Variants in SEMA3E observed in about 807,000 individuals in gnomAD.
The protein encoded by SEMA3E is semaphorin 3E, also known as semaphorin-3E.
A neutral mutation model predicts 93.6 loss-of-function variants in SEMA3E; 49 were observed. The ratio of observed to expected loss-of-function variants is 0.52; its 90% CI spans 0.42 to 0.66. The LOEUF is 0.66. SEMA3E is among the 30% of genes least tolerant of loss of function. The probability of loss-of-function intolerance (pLI) is 0.00; values close to 1 mark genes in which losing one functional copy is unlikely to be tolerated. For missense variants in SEMA3E, 906 were observed against 964.8 expected (o/e 0.94, Z 0.81); for synonymous variants, 363 against 330.7 (o/e 1.10, Z -1.06).
chr7:83,524,116 G>A (rs1225129538), intron 1 of SEMA3E, among the ~76,000 whole-genome samples: 1 of 151,998 alleles, frequency 6.6e-6, no homozygotes, highest in African/African-American at 2.4e-5. Context: ...ACAGCTTTGA[G>A]CAAAAATTAC....
chr7:83,478,797 A>G (rs191486888), intron 2 of SEMA3E, among the ~76,000 whole-genome samples: 57 of 152,368 alleles, frequency 3.7e-4, no homozygotes, highest in Middle Eastern at 3.4e-3. Flanking sequence ...AACTAATGGC[A>G]CACTGAAGAC....
intron 15 of SEMA3E, 87 bp downstream of exon 15, chr7:83,386,896 A>T: frequency 8.6e-7 from 1 of 1,160,600 alleles, no homozygotes; most frequent in South Asian, 1.3e-5. Context: ...AATCACAAAG[A>T]AAAAAAGGAC....
At chr7:83,431,024 G>A (rs558105265) in intron 4 of SEMA3E, among the ~76,000 whole-genome samples, 1 of 150,206 alleles carries the variant, frequency 6.7e-6, no homozygotes, top group South Asian at 2.1e-4. Context: ...TGAAAACATT[G>A]ATTATTAATG....
chr7:83,387,169 A>G lies in SEMA3E; in HGVS notation c.1668-119T>C, dbSNP rs28619166. 13,607 of 822,010 alleles carry G rather than the reference A, an allele frequency of 0.017. 1,262 individuals are homozygous for G. The African/African-American group carries it at 0.2, about 12-fold the overall frequency. The allele number at this position is 822,010 out of a possible 1,614,324, so 50.9% of individuals were successfully genotyped here. A position where few individuals can be genotyped will look rare whatever the true frequency, so the allele number is the denominator to read the frequency against. On this transcript the variant is annotated intron_variant, in intron 14 of 16. Transcript: ENST00000643230. ...GCTACTGAAAAAAATGATCATTCAT[A>G]TGAAAAAAGAATAAAATCCAAGTTT...
Position 83,385,414 on chromosome 7 carries a change from A to C in SEMA3E, c.1755T>G (p.Thr585=). The C allele has an allele frequency of 1.2e-6, 2 of 1,613,408 alleles. 1 individual carries two copies. The highest frequency in any genetic ancestry group is 2.2e-5 in the South Asian group (2 of 91,080). ...CTATGCCATAAGCCAGATGTTCTTC[A>C]GTCTTATCCAAAGCATCCCCTACAA... ...QQFVGDALDK[T]EEHLAYGIEN... The change falls in exon 16 of 17, where the codon ACT becomes ACG. Residue 585 remains threonine, a synonymous_variant. Coordinates refer to ENST00000643230, the MANE Select transcript of SEMA3E (RefSeq NM_012431.3).
intron 14 of SEMA3E, among the ~76,000 whole-genome samples, chr7:83,391,600 A>ATT (rs5885348): frequency 2.0e-5 from 3 of 151,784 alleles, no homozygotes; most frequent in East Asian, 2.0e-4. Context: ...TTATTATATC[A>ATT]TTTTTTTAAA....
intron 1 of SEMA3E, among the ~76,000 whole-genome samples, chr7:83,537,994 T>C (rs1791440102): frequency 6.6e-6 from 1 of 152,146 alleles, no homozygotes; most frequent in Admixed American, 6.6e-5. Context: ...CTTTTATAAC[T>C]TGTTTTTTTT....
intron 4 of SEMA3E, among the ~76,000 whole-genome samples, chr7:83,458,885 AAT>A (rs570851682): frequency 1.1e-4 from 16 of 147,130 alleles, no homozygotes; most frequent in South Asian, 2.1e-4. Context: ...TATATATAAT[AAT>A]ATATATAGTT....
intron 1 of SEMA3E, among the ~76,000 whole-genome samples, chr7:83,592,668 C>T (rs970983365): frequency 1.3e-5 from 2 of 152,070 alleles, no homozygotes; most frequent in Admixed American, 1.3e-4. Flanking sequence ...GCAGTTAATA[C>T]GTTGGTTTGG....
chr7:83,501,068 T>A (rs139661449), intron 1 of SEMA3E, among the ~76,000 whole-genome samples: 1 of 152,240 alleles, frequency 6.6e-6, no homozygotes, highest in Non-Finnish European at 1.5e-5. Flanking sequence ...TTAGCTCTTA[T>A]ACAATATTTA....
chr7:83,431,028 A>G (rs578191167), intron 4 of SEMA3E, among the ~76,000 whole-genome samples: 1 of 151,914 alleles, frequency 6.6e-6, no homozygotes, highest in African/African-American at 2.4e-5. Flanking sequence ...AACATTGATT[A>G]TTAATGGTTG....
intron 1 of SEMA3E, among the ~76,000 whole-genome samples, chr7:83,610,862 A>G (rs1489407318): frequency 4.6e-5 from 7 of 152,004 alleles, no homozygotes; most frequent in Non-Finnish European, 1.0e-4. Flanking sequence ...AATTGTGAGA[A>G]AATCAAATTC....
chr7:83,600,106 A>T (rs1280275811), intron 1 of SEMA3E, among the ~76,000 whole-genome samples: 1 of 152,160 alleles, frequency 6.6e-6, no homozygotes, highest in Admixed American at 6.5e-5. Flanking sequence ...TCCATTAAAT[A>T]ATCCCTACAG....
At chr7:83,595,283 T>C (rs1792849106) in intron 1 of SEMA3E, among the ~76,000 whole-genome samples, 1 of 152,102 alleles carries the variant, frequency 6.6e-6, no homozygotes, top group African/African-American at 2.4e-5. Context: ...TTCCATGACA[T>C]ATAAAATGGC....
intron 14 of SEMA3E, among the ~76,000 whole-genome samples, chr7:83,390,217 GTA>G (rs1208264987): frequency 0.15 from 2,183 of 14,816 alleles, 827 homozygotes; most frequent in African/African-American, 0.22. Context: ...ATATATGCGC[GTA>G]TATATGCGCG....
chr7:83,605,063 G>T (rs528454546), intron 1 of SEMA3E, among the ~76,000 whole-genome samples: 2 of 152,030 alleles, frequency 1.3e-5, no homozygotes, highest in Non-Finnish European at 2.9e-5. Flanking sequence ...CCATGTCTTT[G>T]CTCTTGTAAA....
In SEMA3E at chr7:83,511,135, G is replaced by A. The variant is rs556691987; in HGVS notation, c.116-20861C>T. On this transcript the variant is annotated intron_variant, in intron 1 of 16. Coordinates refer to ENST00000643230, the MANE Select transcript of SEMA3E (RefSeq NM_012431.3). ...TTCTTGTGGTTCCTGTAGTCTGTAGGGTTTTTAAGACCCTAAGGTAAGAAA... is the reference window on the plus strand; with the variant it reads ...TTCTTGTGGTTCCTGTAGTCTGTAGAGTTTTTAAGACCCTAAGGTAAGAAA... 2.1e-3 allele frequency among the ~76,000 whole-genome samples: 322 copies of A among 152,074 alleles called. 2 individuals are homozygous for A. The highest frequency in any genetic ancestry group is 3.5e-3 in the Non-Finnish European group (239 of 67,978).
At chr7:83,408,574 T>C in intron 5 of SEMA3E, 87 bp from the exon 6 acceptor site, 3 of 1,343,968 alleles carry the variant, frequency 2.2e-6, no homozygotes, top group Non-Finnish European at 3.1e-6. Context: ...TGTGTATCTA[T>C]AATATGTACT....
chr7:83,466,206 AAC>A (rs993522880), intron 4 of SEMA3E, among the ~76,000 whole-genome samples: 66 of 152,334 alleles, frequency 4.3e-4, no homozygotes, highest in African/African-American at 1.6e-3. Flanking sequence ...CACAATAGAG[AAC>A]ACAGTTTGAT....
Sources: allele counts gnomAD v4.1 joint callset (sites outside exome capture counted in the v4.1 genomes callset), GRCh38; gene constraint gnomAD v4.1.1; transcripts MANE v1.5; gene names NCBI Gene and HGNC (gene_info 2026-07-23, HGNC 2026-07-21).